Variants in FMN2 observed in about 807,000 individuals in gnomAD.
FMN2 encodes formin 2, also known as formin-2.
A neutral mutation model predicts 142.3 loss-of-function variants in FMN2; 51 were observed. The ratio of observed to expected loss-of-function variants is 0.36; its 90% CI spans 0.29 to 0.45. FMN2 has a LOEUF of 0.45. Among genes scored for constraint, FMN2 ranks in the 20% least tolerant of loss-of-function variants. The pLI, the probability that FMN2 is intolerant of heterozygous loss-of-function variation, is 1.00. For synonymous variants in FMN2, 882 were observed against 869.8 expected (o/e 1.01, Z -0.25); for missense variants, 1,936 against 2,122.8 (o/e 0.91, Z 1.73).
At chr1:240,193,967 T>C (rs1222412077) in intron 4 of FMN2, among the ~76,000 whole-genome samples, 1 of 152,238 alleles carries the variant, frequency 6.6e-6, no homozygotes. Flanking sequence ...TTCAGCGTTA[T>C]CACTCACTAT....
chr1:240,233,895 G>T (rs1667612185), intron 6 of FMN2, among the ~76,000 whole-genome samples: 2 of 152,096 alleles, frequency 1.3e-5, no homozygotes, highest in South Asian at 4.1e-4. Flanking sequence ...CCCTGGAAAT[G>T]GATTCTTTAC....
At chr1:240,141,808 A>C (rs16839458) in intron 2 of FMN2, among the ~76,000 whole-genome samples, 2 of 152,170 alleles carry the variant, frequency 1.3e-5, no homozygotes, top group East Asian at 1.9e-4. Context: ...CTCTTAGGAC[A>C]GGAGAGAATG....
intron 1 of FMN2, among the ~76,000 whole-genome samples, chr1:240,101,709 A>AC (rs796987983): frequency 7.3e-6 from 1 of 137,890 alleles, no homozygotes; most frequent in African/African-American, 2.7e-5. Context: ...TGCCTGGCTA[A>AC]TTTTTTTTTT....
chr1:240,098,124 C>G (rs1313667215), intron 1 of FMN2, among the ~76,000 whole-genome samples: 2 of 73,444 alleles, frequency 2.7e-5, no homozygotes, highest in African/African-American at 9.7e-5. Context: ...TTTTTGGAGA[C>G]AGATTTCACT....
intron 5 of FMN2, among the ~76,000 whole-genome samples, chr1:240,209,930 A>G (rs549351189): frequency 6.6e-6 from 1 of 151,784 alleles, no homozygotes; most frequent in South Asian, 2.1e-4. Flanking sequence ...GTAAATAAAT[A>G]AATAAATAAA....
intron 6 of FMN2, among the ~76,000 whole-genome samples, chr1:240,217,346 G>T (rs1052726119): frequency 6.6e-6 from 1 of 152,190 alleles, no homozygotes; most frequent in African/African-American, 2.4e-5. Context: ...TTGTATTGGT[G>T]TTAATTGTTC....
rs1660999599 is a variant in FMN2, at chr1:240,092,238, G to A, written c.129G>A (p.Lys43=). ...CAAAGAAGGGGAGCGGGGGCAAGAA[G>A]GCGCTAGGCAAGCACGGCAAGGGGG... The part of the protein sequence containing the change: ...EATKKGSGGK[K]ALGKHGKGGG... Residue 43 remains lysine (K), a synonymous_variant, in exon 1 of 18, where the codon AAG becomes AAA. Coordinates refer to ENST00000319653, the MANE Select transcript of FMN2 (RefSeq NM_020066.5). The A allele has an allele frequency of 1.6e-5, 26 of 1,576,342 alleles. No homozygotes were observed. Among genetic ancestry groups the A allele is most frequent in the Non-Finnish European group, 2.1e-5 (24 of 1,161,460 alleles).
intron 13 of FMN2, among the ~76,000 whole-genome samples, chr1:240,337,060 G>A (rs895386540): frequency 2.0e-5 from 3 of 152,032 alleles, no homozygotes; most frequent in Admixed American, 6.6e-5. Flanking sequence ...TTTTAGGAAC[G>A]AGAGGGATAT....
chr1:240,330,298 G>C (rs1211808274), intron 10 of FMN2, among the ~76,000 whole-genome samples: 1 of 152,132 alleles, frequency 6.6e-6, no homozygotes, highest in Non-Finnish European at 1.5e-5. Context: ...TTATCATATA[G>C]CCTTTGTTCC....
intron 4 of FMN2, among the ~76,000 whole-genome samples, chr1:240,197,150 T>G (rs10926164): frequency 6.6e-6 from 1 of 152,016 alleles, no homozygotes; most frequent in Admixed American, 6.6e-5. Context: ...GAAGGTTAAG[T>G]TGGTCACCAG....
intron 13 of FMN2, among the ~76,000 whole-genome samples, chr1:240,337,424 G>T (rs1456619756): frequency 6.6e-6 from 1 of 151,912 alleles, no homozygotes; most frequent in Non-Finnish European, 1.5e-5. Flanking sequence ...TGCCATGTTG[G>T]CCAGGCTGGT....
chr1:240,257,679 A>G (rs1668491671), intron 6 of FMN2, among the ~76,000 whole-genome samples: 1 of 152,192 alleles, frequency 6.6e-6, no homozygotes, highest in South Asian at 2.1e-4. Flanking sequence ...ACTTGTTGAC[A>G]GATCAGGCTC....
intron 14 of FMN2, among the ~76,000 whole-genome samples, chr1:240,388,331 AT>A (rs1271494293): frequency 6.6e-6 from 1 of 151,374 alleles, no homozygotes; most frequent in Non-Finnish European, 1.5e-5. Context: ...CAAAGAAGCG[AT>A]TATTCAAAGT....
intron 1 of FMN2, among the ~76,000 whole-genome samples, chr1:240,111,527 G>A (rs576084035): frequency 6.6e-6 from 1 of 152,240 alleles, no homozygotes; most frequent in East Asian, 1.9e-4. Context: ...TGTTGCCATG[G>A]CATCTGTAAA....
chr1:240,096,326 A>C (rs1021932268), intron 1 of FMN2, among the ~76,000 whole-genome samples: 7 of 152,212 alleles, frequency 4.6e-5, no homozygotes, highest in Non-Finnish European at 8.8e-5. Context: ...GTCCTCCTTT[A>C]ATGGTTGAAC....
At chr1:240,144,045 GA>G (rs1663316578) in intron 2 of FMN2, 3 of 1,118,572 alleles carry the variant, frequency 2.7e-6, no homozygotes, top group Non-Finnish European at 2.7e-6. Flanking sequence ...CAGGCAAGAA[GA>G]ATTCCTGACT....
At chr1:240,337,554 A>G (rs761715511) in intron 13 of FMN2, among the ~76,000 whole-genome samples, 5 of 152,192 alleles carry the variant, frequency 3.3e-5, no homozygotes, top group African/African-American at 4.8e-5. Context: ...GGTTTAGAAA[A>G]TAGGATAACG....
intron 2 of FMN2, among the ~76,000 whole-genome samples, chr1:240,131,581 T>A (rs1662738911): frequency 6.6e-6 from 1 of 152,098 alleles, no homozygotes; most frequent in Non-Finnish European, 1.5e-5. Context: ...TCTTGACACA[T>A]GGCTGTAATC....
At chr1:240,378,543 C>G (rs1205177252) in intron 14 of FMN2, among the ~76,000 whole-genome samples, 1 of 152,136 alleles carries the variant, frequency 6.6e-6, no homozygotes, top group African/African-American at 2.4e-5. Context: ...CTTATCCCCT[C>G]AGTGATTTTT....
Sources: gnomAD v4.1 joint callset for allele counts (sites outside exome capture counted in the v4.1 genomes callset) on GRCh38, gnomAD v4.1.1 for gene constraint, MANE v1.5 for transcripts, NCBI Gene and HGNC (gene_info 2026-07-23, HGNC 2026-07-21) for gene names.